Variants in STAM2 observed in about 807,000 individuals in gnomAD.
STAM2 encodes signal transducing adapter molecule 2.
STAM2 carries 51 observed loss-of-function variants against 65.6 expected under a neutral mutation model. That is an observed-to-expected ratio of 0.78 (90% confidence interval 0.62 to 0.98). The LOEUF is 0.98. Ranked by LOEUF, STAM2 falls within the 50% of genes least tolerant of loss-of-function variation. The pLI is 0.00. For missense variants in STAM2, 584 were observed against 617.8 expected, an observed-to-expected ratio of 0.95 and a Z score of 0.58; for synonymous variants, 198 against 208.4, an observed-to-expected ratio of 0.95 and a Z score of 0.43.
chr2:152,144,759 G>A (rs1033729907), intron 6 of STAM2, 129 bp downstream of exon 6: 14 of 672,798 alleles, frequency 2.1e-5, no homozygotes, highest in East Asian at 1.1e-4. Context: ...GGCTGGTCTC[G>A]ATCTCTTGAC....
intron 12 of STAM2, among the ~76,000 whole-genome samples, chr2:152,125,219 C>T (rs1688943560): frequency 6.6e-6 from 1 of 152,276 alleles, no homozygotes; most frequent in Non-Finnish European, 1.5e-5. Context: ...GAATAAATCC[C>T]AAAGGTCTTT....
intron 1 of STAM2, among the ~76,000 whole-genome samples, chr2:152,151,196 T>TTTC (rs1689439221): frequency 6.7e-6 from 1 of 149,010 alleles, no homozygotes; most frequent in Non-Finnish European, 1.5e-5. Flanking sequence ...TTTTTTTTTT[T>TTTC]CGACAGTGTC....
intron 11 of STAM2, 41 bp downstream of exon 11, chr2:152,132,073 C>G: frequency 1.4e-6 from 2 of 1,459,738 alleles, no homozygotes. Flanking sequence ...CAAGTGAACC[C>G]CCCAAAACTA....
chr2:152,139,499 C>T (rs576472430), intron 7 of STAM2, among the ~76,000 whole-genome samples: 11 of 152,256 alleles, frequency 7.2e-5, no homozygotes, highest in East Asian at 1.9e-4. Context: ...CAGGCTGTAG[C>T]GTGCTATGCT....
intron 2 of STAM2, among the ~76,000 whole-genome samples, chr2:152,148,781 T>TA (rs534951168): frequency 3.0e-4 from 44 of 146,664 alleles, no homozygotes; most frequent in African/African-American, 7.2e-4. Flanking sequence ...CATAGAACTT[T>TA]AAAAAAAAAA....
At chr2:152,149,908 GA>G (rs960316497) in intron 2 of STAM2, among the ~76,000 whole-genome samples, 16 of 151,470 alleles carry the variant, frequency 1.1e-4, no homozygotes, top group African/African-American at 2.9e-4. Context: ...GTAAGCTAGA[GA>G]AAAAAAAATG....
In STAM2 at chr2:152,170,890, G is replaced by A. The variant is rs577626032; in HGVS notation, c.40+4713C>T. 1.8e-4 allele frequency among the ~76,000 whole-genome samples: 28 copies of A among 152,226 alleles called. No individual in the cohort carries two copies. In the South Asian group the frequency reaches 5.0e-3, roughly 27 times the overall value. On this transcript the variant is annotated intron_variant, in intron 1 of 13. Coordinates refer to ENST00000263904, the MANE Select transcript of STAM2 (RefSeq NM_005843.6). ...GCGCACCTGTAACCCCAGCTACTCG[G>A]GAGGCTGAGGCACAAGAATTGCTTG...
chr2:152,175,541 G>A, intron 1 of STAM2, 62 bp downstream of exon 1: 1 of 1,605,314 alleles, frequency 6.2e-7, no homozygotes, highest in South Asian at 1.1e-5. Context: ...CCACTTTCTA[G>A]CCGGACAAAC....
intron 1 of STAM2, among the ~76,000 whole-genome samples, chr2:152,150,526 G>C (rs1372133696): frequency 6.6e-6 from 1 of 152,236 alleles, no homozygotes; most frequent in Non-Finnish European, 1.5e-5. Flanking sequence ...ATCCAGGCCG[G>C]GCATGGTGGC....
chr2:152,131,957 C>A, intron 11 of STAM2, 157 bp downstream of exon 11: 1 of 570,700 alleles, frequency 1.8e-6, no homozygotes, highest in Non-Finnish European at 3.1e-6. Flanking sequence ...AGATAAAAAG[C>A]ACCACCTTGC....
intron 11 of STAM2, among the ~76,000 whole-genome samples, chr2:152,130,107 T>C (rs1355546693): frequency 6.6e-6 from 1 of 152,248 alleles, no homozygotes; most frequent in East Asian, 1.9e-4. Flanking sequence ...GATGGAATAC[T>C]AAGCCCTATC....
intron 1 of STAM2, among the ~76,000 whole-genome samples, chr2:152,163,212 C>T (rs1560223378): frequency 6.6e-6 from 1 of 152,184 alleles, no homozygotes; most frequent in African/African-American, 2.4e-5. Flanking sequence ...AGCAGAGGAA[C>T]ATAAATTGTG....
rs963827263 is a variant in STAM2 at position 152,142,164 on chromosome 2, G to A, written c.704+1663C>T. Among the ~76,000 whole-genome samples, 13 of 152,062 alleles carry A rather than the reference G, an allele frequency of 8.5e-5. 1 individual carries two copies. Among genetic ancestry groups the A allele is most frequent in the Non-Finnish European group, 1.5e-4 (10 of 68,008 alleles). On this transcript the variant is annotated intron_variant, in intron 7 of 13. Transcript: ENST00000263904. ...AACTATAAAAGTAGGGTGTCCTATC[G>A]TCAAAATGACAGCAATTGACCTACA...
chr2:152,144,475 T>C (rs959354072), intron 6 of STAM2, among the ~76,000 whole-genome samples: 1 of 152,194 alleles, frequency 6.6e-6, no homozygotes, highest in African/African-American at 2.4e-5. Context: ...TTTTTAGATT[T>C]GAGGTAAAAA....
At chr2:152,175,533 A>G in intron 1 of STAM2, 70 bp downstream of exon 1, 1 of 1,596,364 alleles carries the variant, frequency 6.3e-7, no homozygotes, top group Non-Finnish European at 8.6e-7. Context: ...GCTACCGCCC[A>G]CTTTCTAGCC....
At chr2:152,169,878 G>C (rs1257611283) in intron 1 of STAM2, among the ~76,000 whole-genome samples, 1 of 150,598 alleles carries the variant, frequency 6.6e-6, no homozygotes, top group East Asian at 2.0e-4. Context: ...TTTTGAGATG[G>C]AGTCTCACTC....
chr2:152,120,824 G>T, intron 13 of STAM2, 22 bp from the exon 14 acceptor site: 1 of 1,582,542 alleles, frequency 6.3e-7, no homozygotes, highest in Non-Finnish European at 8.7e-7. Flanking sequence ...ATTTTAAAAA[G>T]AAAACCATAT....
At chr2:152,165,430 C>CA (rs905360574) in intron 1 of STAM2, among the ~76,000 whole-genome samples, 57 of 139,996 alleles carry the variant, frequency 4.1e-4, no homozygotes, top group Admixed American at 7.9e-4. Flanking sequence ...GACTCTGTCT[C>CA]AAAAAAAAAA....
At chr2:152,151,093 G>A (rs140470629) in intron 1 of STAM2, among the ~76,000 whole-genome samples, 1 of 150,756 alleles carries the variant, frequency 6.6e-6, no homozygotes, top group Non-Finnish European at 1.5e-5. Context: ...AAAAATTTAT[G>A]AATCTCAAAA....
Sources: allele counts gnomAD v4.1 joint callset (sites outside exome capture counted in the v4.1 genomes callset), GRCh38; gene constraint gnomAD v4.1.1; transcripts MANE v1.5; gene names NCBI Gene and HGNC (gene_info 2026-07-23, HGNC 2026-07-21).